EXOC3L4: variants seen among roughly 807,000 people sequenced by gnomAD.
The protein encoded by EXOC3L4 is exocyst complex component 3-like protein 4.
A neutral mutation model predicts 69.7 loss-of-function variants in EXOC3L4; 62 were observed. The observed-to-expected ratio is 0.89, with a 90% CI of 0.72 to 1.10. The LOEUF (loss-of-function observed/expected upper bound fraction) is 1.10. Among genes scored for constraint, EXOC3L4 ranks in the 50% least tolerant of loss-of-function variants. The pLI, the probability that EXOC3L4 is intolerant of heterozygous loss-of-function variation, is 0.00. For missense variants in EXOC3L4, 1,087 were observed against 1,034.8 expected (o/e 1.05, Z -0.69); for synonymous variants, 502 against 464.2 (o/e 1.08, Z -1.05).
chr14:103,108,775 G>A (rs987659318), intron 11 of EXOC3L4, among the ~76,000 whole-genome samples: 2 of 152,092 alleles, frequency 1.3e-5, no homozygotes, highest in Admixed American at 6.5e-5. Context: ...AGGGGGAGGC[G>A]GACCCCCCAC....
rs772349414 is a variant in EXOC3L4, at chr14:103,108,402, G to A, written c.1861G>A (p.Glu621Lys). The A allele has an allele frequency of 2.0e-5, 32 of 1,613,428 alleles. No homozygotes were observed. The highest frequency in any genetic ancestry group is 6.6e-5 in the South Asian group (6 of 91,042). ...CGGTGGCTCTGTCTCGCAGGGTTCC[G>A]AGGCCACATGGTTGGACCAAGCCAT... ...ISDTFQGLGS[E>K]ATWLDQAIQC... Residue 621 changes from glutamate (E) to lysine (K), a missense_variant, in exon 11 of 12, where the codon GAG becomes AAG. Physicochemically the swap from Glu to Lys is moderately conservative, Grantham distance 56 (BLOSUM62 1). Coordinates refer to ENST00000688303, the MANE Select transcript of EXOC3L4 (RefSeq NM_001077594.2).
At position 103,110,466 on chromosome 14, in the gene EXOC3L4, C is replaced by T. The variant is rs1358870851; in HGVS notation, c.*243C>T. The T allele has an allele frequency of 3.5e-6, 2 of 574,122 alleles. No individual in the cohort carries two copies. Among genetic ancestry groups the T allele is most frequent in the Non-Finnish European group, 6.4e-6 (2 of 312,682 alleles). The allele number at this position is 574,122 out of a possible 1,614,324, so 35.6% of individuals were successfully genotyped here. A position where few individuals can be genotyped will look rare whatever the true frequency, so the allele number is the denominator to read the frequency against. On this transcript the variant is annotated 3_prime_UTR_variant, in exon 12 of 12. Coordinates refer to ENST00000688303, the MANE Select transcript of EXOC3L4 (RefSeq NM_001077594.2). ...AGAGCTCTCAATGCTGCCTATCGGG[C>T]GGGGGGGGGCCTCCCGCCCGACTGT...
chr14:103,108,836 A>G (rs972468151), intron 11 of EXOC3L4, among the ~76,000 whole-genome samples: 5 of 152,132 alleles, frequency 3.3e-5, no homozygotes, highest in African/African-American at 1.2e-4. Flanking sequence ...AGACCTGGTC[A>G]GGAGGAAGGA....
chr14:103,096,962 C>T (rs1350772552), intron 1 of EXOC3L4, among the ~76,000 whole-genome samples: 1 of 152,198 alleles, frequency 6.6e-6, no homozygotes, highest in Non-Finnish European at 1.5e-5. Flanking sequence ...TACAGGCAGT[C>T]ACCTGCAAGA....
In EXOC3L4 at chr14:103,100,619, G is replaced by A; in HGVS notation, c.394+6G>A. ...GGAACTGAAACCCGAGGCAGGTAAGGGCCTCAGAAACAACACGAAGCATGA... is the reference window on the plus strand; with the variant it reads ...GGAACTGAAACCCGAGGCAGGTAAGAGCCTCAGAAACAACACGAAGCATGA... On this transcript the variant is annotated splice_donor_region_variant and intron_variant, in intron 2 of 11. Coordinates refer to ENST00000688303, the MANE Select transcript of EXOC3L4 (RefSeq NM_001077594.2). 1 of 1,597,650 alleles carries A rather than the reference G, an allele frequency of 6.3e-7. No individual in the cohort carries two copies. The highest frequency in any genetic ancestry group is 8.6e-7 in the Non-Finnish European group (1 of 1,169,012).
rs10142200 is a variant in EXOC3L4, at chr14:103,102,392, A to G, written c.669A>G (p.Glu223=). 664,542 of 1,549,098 alleles carry G rather than the reference A, an allele frequency of 0.43. 145,524 individuals carry two copies. Among genetic ancestry groups the G allele is most frequent in the East Asian group, 0.64 (26,280 of 41,046 alleles). The stretch of plus-strand genomic sequence containing the variant: ...CCCGCGTGGTGAGCGCGGAGGAGGA[A>G]GCCCACCCTTCTCCCCCCGACGACG... ...ELARVVSAEE[E]AHPSPPDDGD... Residue 223 remains glutamate (E), a synonymous_variant, in exon 3 of 12, where the codon GAA becomes GAG. Coordinates refer to ENST00000688303, the MANE Select transcript of EXOC3L4 (RefSeq NM_001077594.2).
At position 103,107,540 on chromosome 14, in the gene EXOC3L4, A is replaced by G; in HGVS notation, c.1698A>G (p.Ala566=). The part of the protein sequence containing the change: ...GHLQRVARPR[A]QETLQEVHRF... Reference sequence around the variant, plus strand: ...TCCAGCGTGTGGCCCGGCCGCGGGCACAGGTACCACAAGGGGGAGGGCCCT... The same window carrying G: ...TCCAGCGTGTGGCCCGGCCGCGGGCGCAGGTACCACAAGGGGGAGGGCCCT... Residue 566 remains alanine, a synonymous_variant, in exon 9 of 12, where the codon GCA becomes GCG. Coordinates refer to ENST00000688303, the MANE Select transcript of EXOC3L4 (RefSeq NM_001077594.2). 6.2e-7 allele frequency: 1 copy of G among 1,613,580 alleles called. No individual in the cohort carries two copies.
chr14:103,100,804 C>A (rs536654831), intron 2 of EXOC3L4, among the ~76,000 whole-genome samples, 191 bp downstream of exon 2: 1 of 152,006 alleles, frequency 6.6e-6, no homozygotes, highest in Non-Finnish European at 1.5e-5. Context: ...GGTGCAATCA[C>A]AGCTCACTGC....
At chr14:103,104,414 G>C (rs1890414876) in intron 5 of EXOC3L4, 25 bp downstream of exon 5, 1 of 1,534,562 alleles carries the variant, frequency 6.5e-7, no homozygotes, top group African/African-American at 1.4e-5. Flanking sequence ...CAGGGGCTGA[G>C]AAGGGGCGTC....
intron 3 of EXOC3L4, 101 bp from the exon 4 acceptor site, chr14:103,103,840 A>G: frequency 1.5e-6 from 1 of 667,796 alleles, no homozygotes; most frequent in Non-Finnish European, 2.5e-6. Flanking sequence ...ACAGATGCCC[A>G]GGTTCGGGAT....
intron 1 of EXOC3L4, among the ~76,000 whole-genome samples, chr14:103,096,401 C>CTTTTTTTTTTTTTTTT (rs56362121): frequency 4.5e-5 from 6 of 131,930 alleles, no homozygotes; most frequent in South Asian, 2.6e-4. Flanking sequence ...TGGCAAGATT[C>CTTTTTTTTTTTTTTTT]TTTTTTTTTT....
rs1890267416 is a variant in EXOC3L4, at chr14:103,102,615, C to G, written c.892C>G (p.Gln298Glu). Residue 298 changes from glutamine (Q) to glutamate (E), a missense_variant, in exon 3 of 12, where the codon CAG becomes GAG. Coordinates refer to ENST00000688303, the MANE Select transcript of EXOC3L4 (RefSeq NM_001077594.2). ...RDLQKVRQEVQPAYAAAGFPA... is the reference protein window; with the variant it reads ...RDLQKVRQEVEPAYAAAGFPA... Reference sequence around the variant, plus strand: ...CCTGCAGAAGGTGCGGCAGGAGGTGCAGCCCGCGTATGCGGCGGCCGGCTT... The same window carrying G: ...CCTGCAGAAGGTGCGGCAGGAGGTGGAGCCCGCGTATGCGGCGGCCGGCTT... 6.7e-7 allele frequency: 1 copy of G among 1,498,780 alleles called. No homozygotes were observed. The highest frequency in any genetic ancestry group is 2.8e-5 in the East Asian group (1 of 35,778). 92.8% of individuals were successfully genotyped at this position (1,498,780 alleles called of 1,614,324 possible). A position where few individuals can be genotyped will look rare whatever the true frequency, so the allele number is the denominator to read the frequency against.
intron 3 of EXOC3L4, 31 bp from the exon 4 acceptor site, chr14:103,103,910 C>T (rs1290764637): frequency 1.3e-6 from 2 of 1,487,818 alleles, no homozygotes; most frequent in South Asian, 2.4e-5. Flanking sequence ...CAGAGCCGCT[C>T]CCGCCCCCAG....
Position 103,110,042 on chromosome 14 carries a change from T to C in EXOC3L4, c.1988T>C (p.Ile663Thr). ...RSYPDIRRDHILAILALRRLG... is the reference protein window; with the variant it reads ...RSYPDIRRDHTLAILALRRLG... ...GCATGTCTCTGCAGGCGGGACCACA[T>C]ACTGGCCATTCTGGCGCTGCGCCGA... Residue 663 changes from isoleucine (I) to threonine (T), a missense_variant, in exon 12 of 12, where the codon ATA becomes ACA. Transcript: ENST00000688303. 1.9e-6 allele frequency: 3 copies of C among 1,597,450 alleles called. No homozygotes were observed. Among genetic ancestry groups the C allele is most frequent in the African/African-American group, 1.3e-5 (1 of 74,922 alleles).
chr14:103,107,068 G>T (rs1890598221), intron 8 of EXOC3L4, among the ~76,000 whole-genome samples, 169 bp downstream of exon 8: 1 of 152,170 alleles, frequency 6.6e-6, no homozygotes, highest in Admixed American at 6.5e-5. Context: ...CTGAGCAGGG[G>T]CGGCTGGGAG....
rs753418981 is a variant in EXOC3L4, at chr14:103,102,456, T to C, written c.733T>C (p.Trp245Arg). Residue 245 changes from tryptophan to arginine, a missense_variant, in exon 3 of 12, where the codon TGG becomes CGG. Physicochemically the swap from Trp to Arg is moderately radical, Grantham distance 101. Coordinates refer to ENST00000688303, the MANE Select transcript of EXOC3L4 (RefSeq NM_001077594.2). ...CACGCCGCGCCGCTGGCGCCAGCAC[T>C]GGGAGGAGGCGGTGCGGCGAAGCGC... ...LRTPRRWRQH[W>R]EEAVRRSAQE... 5.4e-6 allele frequency: 8 copies of C among 1,472,468 alleles called. No individual in the cohort carries two copies. The highest frequency in any genetic ancestry group is 6.2e-6 in the Non-Finnish European group (7 of 1,123,116). The allele number at this position is 1,472,468 out of a possible 1,614,324, so 91.2% of individuals were successfully genotyped here.
upstream of EXOC3L4, among the ~76,000 whole-genome samples, chr14:103,094,510 C>G (rs1234420998): frequency 6.6e-6 from 1 of 152,204 alleles, no homozygotes; most frequent in African/African-American, 2.4e-5. Flanking sequence ...CCCTGAGTGC[C>G]GAGCTCCGCA....
intron 11 of EXOC3L4, 93 bp downstream of exon 11, chr14:103,108,610 C>T (rs1890719973): frequency 1.3e-6 from 2 of 1,523,360 alleles, no homozygotes; most frequent in Admixed American, 2.0e-5. Context: ...ACCTGACTGC[C>T]CAGGGGCCTG....
At chr14:103,107,583 G>A in intron 9 of EXOC3L4, 40 bp downstream of exon 9, 1 of 1,611,214 alleles carries the variant, frequency 6.2e-7, no homozygotes, top group Middle Eastern at 1.7e-4. Context: ...CTGTGCCCAG[G>A]ATTGGGGCTG....
Sources: gnomAD v4.1 joint callset for allele counts (sites outside exome capture counted in the v4.1 genomes callset) on GRCh38, gnomAD v4.1.1 for gene constraint, MANE v1.5 for transcripts, NCBI Gene and HGNC (gene_info 2026-07-23, HGNC 2026-07-21) for gene names.